The following WWOX variants were observed in gnomAD, a reference collection of about 807,000 sequenced individuals.
WWOX encodes the protein WW domain-containing oxidoreductase.
A neutral mutation model predicts 46.2 loss-of-function variants in WWOX; 69 were observed. That is an observed-to-expected ratio of 1.49 (90% confidence interval 1.23 to 1.82). The LOEUF is 1.82. Among genes scored for constraint, WWOX ranks in the 40% most tolerant of loss-of-function variants. The probability of loss-of-function intolerance (pLI) is 0.00; values close to 1 mark genes in which losing one functional copy is unlikely to be tolerated. For synonymous variants in WWOX, 359 were observed against 202.6 expected, an observed-to-expected ratio of 1.77 and a Z score of -6.56; for missense variants, 919 against 542.6, an observed-to-expected ratio of 1.69 and a Z score of -6.89.
chr16:78,596,299 G>A (rs973123094), intron 8 of WWOX, among the ~76,000 whole-genome samples: 1 of 152,100 alleles, frequency 6.6e-6, no homozygotes, highest in South Asian at 2.1e-4. Context: ...ATCCTGTCTG[G>A]CTGGGTTCTG....
At chr16:78,646,420 A>T (rs913054962) in intron 8 of WWOX, among the ~76,000 whole-genome samples, 5 of 151,780 alleles carry the variant, frequency 3.3e-5, no homozygotes, top group Admixed American at 3.3e-4. Context: ...CACTCAACGC[A>T]ATTTATATAT....
intron 8 of WWOX, among the ~76,000 whole-genome samples, chr16:79,151,361 C>G (rs879078288): frequency 1.3e-5 from 2 of 152,136 alleles, no homozygotes; most frequent in African/African-American, 4.8e-5. Flanking sequence ...GTGTGGATTC[C>G]CCCAAATCCG....
chr16:78,640,437 C>T (rs375798838), intron 8 of WWOX, among the ~76,000 whole-genome samples: 10 of 151,994 alleles, frequency 6.6e-5, no homozygotes, highest in African/African-American at 1.9e-4. Context: ...AGGCTCACGT[C>T]TCCACATTCT....
intron 8 of WWOX, among the ~76,000 whole-genome samples, chr16:78,460,683 AG>A (rs1413424136): frequency 2.6e-5 from 4 of 152,212 alleles, no homozygotes; most frequent in African/African-American, 9.6e-5. Flanking sequence ...TTGCTTTTGA[AG>A]AACTAAAGAG....
At chr16:78,998,204 G>T (rs1408908750) in intron 8 of WWOX, among the ~76,000 whole-genome samples, 1 of 152,138 alleles carries the variant, frequency 6.6e-6, no homozygotes, top group Non-Finnish European at 1.5e-5. Context: ...TAAGAAAACT[G>T]CACCATGAGT....
chr16:79,146,491 C>T (rs564392506), intron 8 of WWOX, among the ~76,000 whole-genome samples: 6 of 152,252 alleles, frequency 3.9e-5, no homozygotes, highest in East Asian at 3.9e-4. Flanking sequence ...GGAGTCGTAA[C>T]GAGTTTTCAA....
chr16:78,486,515 G>A (rs1037717924), intron 8 of WWOX, among the ~76,000 whole-genome samples: 3 of 151,962 alleles, frequency 2.0e-5, no homozygotes, highest in East Asian at 1.9e-4. Context: ...TAAGCCAGTC[G>A]GACCTGGTTG....
Position 78,310,343 on chromosome 16 carries a change from T to C in WWOX, c.517-76517T>C, listed in dbSNP as rs187141952. ...CCAGTGTTTGGCATGTGCTCACACATGCACGCACACACAGCCTGCACTATG... is the reference window on the plus strand; with the variant it reads ...CCAGTGTTTGGCATGTGCTCACACACGCACGCACACACAGCCTGCACTATG... On this transcript the variant is annotated intron_variant, in intron 5 of 8. Coordinates refer to ENST00000566780, the MANE Select transcript of WWOX (RefSeq NM_016373.4). Among the ~76,000 whole-genome samples the C allele has an allele frequency of 1.1e-4, 16 of 152,354 alleles. 1 individual carries two copies. Among genetic ancestry groups the C allele is most frequent in the Admixed American group, 9.8e-4 (15 of 15,298 alleles).
At chr16:78,775,919 A>C (rs1012001786) in intron 8 of WWOX, among the ~76,000 whole-genome samples, 7 of 152,210 alleles carry the variant, frequency 4.6e-5, no homozygotes, top group Admixed American at 2.0e-4. Flanking sequence ...CTTCAAAGAC[A>C]AGGTCAGTCA....
chr16:78,827,830 A>G (rs1392033235), intron 8 of WWOX, among the ~76,000 whole-genome samples: 1 of 152,214 alleles, frequency 6.6e-6, no homozygotes, highest in South Asian at 2.1e-4. Flanking sequence ...GGCAAGCAAG[A>G]CACCATTTCA....
At chr16:78,635,850 T>C (rs139436292) in intron 8 of WWOX, among the ~76,000 whole-genome samples, 25 of 152,230 alleles carry the variant, frequency 1.6e-4, no homozygotes, top group African/African-American at 4.6e-4. Flanking sequence ...CTTGCAGATA[T>C]CATTGGTGGC....
chr16:78,114,037 G>T (rs2032640007), intron 3 of WWOX, among the ~76,000 whole-genome samples: 2 of 146,944 alleles, frequency 1.4e-5, no homozygotes, highest in African/African-American at 5.0e-5. Flanking sequence ...ATACATTTAA[G>T]ATATAAAAAG....
chr16:79,048,422 C>A (rs1045334741), intron 8 of WWOX, among the ~76,000 whole-genome samples: 6 of 151,978 alleles, frequency 3.9e-5, no homozygotes, highest in Admixed American at 3.9e-4. Context: ...GATTACCGTC[C>A]CCCGTGATGT....
chr16:79,120,308 C>G (rs973839912), intron 8 of WWOX, among the ~76,000 whole-genome samples: 1 of 152,180 alleles, frequency 6.6e-6, no homozygotes, highest in Non-Finnish European at 1.5e-5. Flanking sequence ...AAGGTATGCT[C>G]AAGCTATTGC....
At chr16:78,131,260 T>C (rs1256060502) in intron 4 of WWOX, among the ~76,000 whole-genome samples, 4 of 152,190 alleles carry the variant, frequency 2.6e-5, no homozygotes, top group Non-Finnish European at 4.4e-5. Flanking sequence ...TTACCCAGGC[T>C]TCAGTGCATC....
chr16:78,170,512 C>G (rs2035122239), intron 5 of WWOX, among the ~76,000 whole-genome samples: 5 of 152,228 alleles, frequency 3.3e-5, no homozygotes, highest in Admixed American at 3.3e-4. Context: ...CTCCAACTGG[C>G]TGAAAGAGGA....
intron 6 of WWOX, among the ~76,000 whole-genome samples, chr16:78,413,750 C>T (rs1360427197): frequency 1.3e-5 from 2 of 151,918 alleles, no homozygotes; most frequent in African/African-American, 2.4e-5. Context: ...CAAAGGTGCC[C>T]TCCTGTGCTG....
At chr16:78,939,925 C>G (rs1202906056) in intron 8 of WWOX, among the ~76,000 whole-genome samples, 1 of 152,158 alleles carries the variant, frequency 6.6e-6, no homozygotes, top group Non-Finnish European at 1.5e-5. Context: ...CCAAGTTTAC[C>G]CAATTCGACT....
chr16:78,702,100 T>TTTTATATTTATATC (rs1491267639), intron 8 of WWOX, among the ~76,000 whole-genome samples: 5 of 81,262 alleles, frequency 6.2e-5, no homozygotes, highest in African/African-American at 3.4e-4. Context: ...ATCTATAAAG[T>TTTTATATTTATATC]TATATATATA....
Sources: allele counts gnomAD v4.1 joint callset (sites outside exome capture counted in the v4.1 genomes callset), GRCh38; gene constraint gnomAD v4.1.1; transcripts MANE v1.5; gene names NCBI Gene and HGNC (gene_info 2026-07-23, HGNC 2026-07-21).